EXD3: variants seen among roughly 807,000 people sequenced by gnomAD.
EXD3 encodes the protein exonuclease mut-7 homolog.
EXD3 carries 92 observed loss-of-function variants against 98.0 expected under a neutral mutation model. The observed-to-expected ratio is 0.94, with a 90% CI of 0.79 to 1.12. The LOEUF is 1.12. EXD3 is among the 50% of genes most tolerant of loss of function. The probability of loss-of-function intolerance (pLI) is 0.00; values close to 1 mark genes in which losing one functional copy is unlikely to be tolerated. For synonymous variants in EXD3, 569 were observed against 526.0 expected (o/e 1.08, Z -1.12); for missense variants, 1,222 against 1,191.6 (o/e 1.03, Z -0.38).
intron 17 of EXD3, among the ~76,000 whole-genome samples, chr9:137,327,987 C>T (rs1432571421): frequency 6.6e-6 from 1 of 152,050 alleles, no homozygotes; most frequent in African/African-American, 2.4e-5. Flanking sequence ...TAATATACAC[C>T]CATATGATGA....
intron 19 of EXD3, among the ~76,000 whole-genome samples, chr9:137,317,827 G>A (rs186790066): frequency 1.4e-4 from 22 of 152,292 alleles, no homozygotes; most frequent in South Asian, 4.1e-4. Context: ...CCATGCCCTG[G>A]CTGGAGGGCC....
chr9:137,352,253 T>G, intron 11 of EXD3, 52 bp from the exon 12 acceptor site: 1 of 1,607,804 alleles, frequency 6.2e-7, no homozygotes, highest in Non-Finnish European at 8.5e-7. Context: ...CCCCACCCAC[T>G]CTGACCTCGG....
intron 7 of EXD3, chr9:137,365,901 A>C (rs1835221180): frequency 2.5e-6 from 1 of 395,978 alleles, no homozygotes; most frequent in African/African-American, 2.1e-5. Flanking sequence ...GCAGGCACAC[A>C]CATACATGCA....
chr9:137,349,650 GC>G lies in EXD3; in HGVS notation c.1495-120del. On this transcript the variant is annotated intron_variant, in intron 14 of 21. Coordinates refer to ENST00000340951, the MANE Select transcript of EXD3 (RefSeq NM_017820.5). The surrounding 1 kb of genome is among the most constrained non-coding windows in gnomAD (Gnocchi z 7.4). The stretch of plus-strand genomic sequence containing the variant: ...GGAGGCCCCGCCCCCTCCACCAGCG[GC>G]CCCCACAGCAGAGACGGGGAGAAGG... 2.8e-6 allele frequency: 3 copies of G among 1,080,026 alleles called. No individual in the cohort carries two copies. Among genetic ancestry groups the G allele is most frequent in the Non-Finnish European group, 3.8e-6 (3 of 792,002 alleles). 66.9% of individuals were successfully genotyped at this position (1,080,026 alleles called of 1,614,324 possible).
At chr9:137,419,885 C>A (rs181289420) in intron 1 of EXD3, among the ~76,000 whole-genome samples, 2 of 152,112 alleles carry the variant, frequency 1.3e-5, no homozygotes, top group South Asian at 2.1e-4. Context: ...AGCGGCCGGG[C>A]GCGGTGGCTC....
rs924254114 is a variant in EXD3 at position 137,352,628 on chromosome 9, G to C, written c.1029C>G (p.Leu343=). 2 of 1,545,176 alleles carry C rather than the reference G, an allele frequency of 1.3e-6. No individual in the cohort carries two copies. Among genetic ancestry groups the C allele is most frequent in the African/African-American group, 2.7e-5 (2 of 72,940 alleles). Residue 343 remains leucine, a synonymous_variant, in exon 11 of 22, where the codon CTC becomes CTG. Coordinates refer to ENST00000340951, the MANE Select transcript of EXD3 (RefSeq NM_017820.5). The stretch of plus-strand genomic sequence containing the variant: ...ACCCTGGCGGCGCTCACCTCCCCTG[G>C]AGCCTGAACCGGCGGAGTTCCACAG... ...AVAVELRRFR[L]QGRATEADSR...
chr9:137,396,552 G>C (rs1373786515), intron 1 of EXD3, among the ~76,000 whole-genome samples: 1 of 152,166 alleles, frequency 6.6e-6, no homozygotes, highest in Admixed American at 6.5e-5. Context: ...CAGTCACTTA[G>C]AGGCCTTCAG....
intron 17 of EXD3, among the ~76,000 whole-genome samples, chr9:137,345,389 T>G (rs889847382): frequency 2.0e-5 from 3 of 152,130 alleles, no homozygotes; most frequent in African/African-American, 7.2e-5. Flanking sequence ...CTGCCGGGTG[T>G]GGTGGCTCAC....
At chr9:137,353,685 C>T (rs1335668585) in intron 10 of EXD3, 1 of 985,594 alleles carries the variant, frequency 1.0e-6, no homozygotes, top group African/African-American at 1.7e-5. Flanking sequence ...AATGCAGGGC[C>T]CAGCACAAGC....
intron 1 of EXD3, among the ~76,000 whole-genome samples, chr9:137,417,850 G>A (rs1230426186): frequency 7.2e-5 from 11 of 152,202 alleles, no homozygotes; most frequent in Admixed American, 7.2e-4. Flanking sequence ...CGGGCCGTCA[G>A]GCGGGGAGGA....
intron 17 of EXD3, among the ~76,000 whole-genome samples, chr9:137,341,456 A>G (rs1833650151): frequency 6.6e-6 from 1 of 152,250 alleles, no homozygotes; most frequent in South Asian, 2.1e-4. Context: ...CAATGTCAGC[A>G]AAGGGAAAAG....
Position 137,349,115 on chromosome 9 carries a change from T to C in EXD3, c.1825A>G (p.Arg609Gly), listed in dbSNP as rs1429874310. 3 of 1,594,272 alleles carry C rather than the reference T, an allele frequency of 1.9e-6. No individual in the cohort carries two copies. The highest frequency in any genetic ancestry group is 2.6e-6 in the Non-Finnish European group (3 of 1,175,930). Residue 609 changes from arginine (R) to glycine (G), a missense_variant, in exon 16 of 22, where the codon AGG (arginine) becomes GGG (glycine). Arg to Gly is a moderately radical substitution (Grantham distance 125). Transcript: ENST00000340951. The surrounding 1 kb of genome is among the most constrained non-coding windows in gnomAD (Gnocchi z 7.4). ...CCCTGCGGGGCTTCACCCACCTGCC[T>C]GGGTGCGGCCGGTGCTGACGCTTTC... The part of the protein sequence containing the change: ...LQKASAPAAP[R>G]QVPVAVAVSE...
chr9:137,327,494 T>C (rs757953246), intron 17 of EXD3, among the ~76,000 whole-genome samples: 21 of 152,144 alleles, frequency 1.4e-4, no homozygotes, highest in Non-Finnish European at 2.4e-4. Flanking sequence ...GGATATGTGA[T>C]ACAGTGAATG....
intron 1 of EXD3, among the ~76,000 whole-genome samples, chr9:137,419,943 A>G (rs1244841322): frequency 1.3e-5 from 2 of 152,136 alleles, no homozygotes; most frequent in African/African-American, 2.4e-5. Context: ...GCGGATCACG[A>G]GGTCAGGAGA....
intron 8 of EXD3, among the ~76,000 whole-genome samples, chr9:137,355,854 G>T (rs954554390): frequency 6.6e-6 from 1 of 152,278 alleles, no homozygotes; most frequent in Non-Finnish European, 1.5e-5. Context: ...GGCCCTTGCA[G>T]GGGGTCCTGG....
rs377388929 is a variant in EXD3 at position 137,356,323 on chromosome 9, C to T, written c.702G>A (p.Pro234=). 81 of 1,604,756 alleles carry T rather than the reference C, an allele frequency of 5.0e-5. No individual in the cohort carries two copies. Among genetic ancestry groups the T allele is most frequent in the African/African-American group, 9.3e-5 (7 of 74,896 alleles). The change falls in exon 8 of 22, where the codon CCG becomes CCA. Residue 234 remains proline (P), a synonymous_variant. Transcript: ENST00000340951. ...VTSLSLEKLS[P]KALSRQVLRL... Reference sequence around the variant, plus strand: ...GCAAGACCTGCCTGCTCAGCGCCTTCGGACTCAGCTTCTCCAGGCTCAAGG... The same window carrying T: ...GCAAGACCTGCCTGCTCAGCGCCTTTGGACTCAGCTTCTCCAGGCTCAAGG...
intron 17 of EXD3, among the ~76,000 whole-genome samples, chr9:137,339,554 A>G (rs1217424702): frequency 2.0e-5 from 3 of 152,058 alleles, no homozygotes; most frequent in African/African-American, 7.2e-5. Context: ...TAAGAAGGGT[A>G]ATATGCGGGA....
intron 17 of EXD3, among the ~76,000 whole-genome samples, chr9:137,327,673 TATG>T (rs989037203): frequency 1.4e-5 from 1 of 70,220 alleles, no homozygotes; most frequent in Admixed American, 1.3e-4. Flanking sequence ...TATATACCTA[TATG>T]ATGAGTAAAA....
chr9:137,318,897 G>A (rs1175308880), intron 19 of EXD3, among the ~76,000 whole-genome samples: 1 of 152,256 alleles, frequency 6.6e-6, no homozygotes, highest in Non-Finnish European at 1.5e-5. Context: ...CATGAGCGCT[G>A]TTGCTCACTC....
Sources: allele counts gnomAD v4.1 joint callset (sites outside exome capture counted in the v4.1 genomes callset), GRCh38; gene constraint gnomAD v4.1.1; non-coding constraint Gnocchi (gnomAD v3.1); transcripts MANE v1.5; gene names NCBI Gene and HGNC (gene_info 2026-07-23, HGNC 2026-07-21).